The following F5 variants were observed in gnomAD, a reference collection of about 807,000 sequenced individuals.
F5 encodes activated protein c cofactor.
F5 carries 138 observed loss-of-function variants against 216.4 expected under a neutral mutation model. The observed-to-expected ratio is 0.64, with a 90% CI of 0.56 to 0.73. The LOEUF is 0.73. Among genes scored for constraint, F5 ranks in the 30% least tolerant of loss-of-function variants. The probability of loss-of-function intolerance (pLI) is 0.00; values close to 1 mark genes in which losing one functional copy is unlikely to be tolerated. For synonymous variants in F5, 916 were observed against 930.7 expected (o/e 0.98, Z 0.29); for missense variants, 2,403 against 2,674.0 (o/e 0.90, Z 2.24).
rs1659712178 is a variant in F5, at chr1:169,536,662, G to A, written c.4815C>T (p.Asp1605=). The change falls in exon 14 of 25, where the codon GAC becomes GAT. Residue 1605 remains aspartate, a synonymous_variant. Coordinates refer to ENST00000367797, the MANE Select transcript of F5 (RefSeq NM_000130.5). The part of the protein sequence containing the change: ...EFVQRETDIE[D]SDDIPEDTTY... ...TGGTATCTTCTGGAATATCATCAGA[G>A]TCTTCAATATCTGTTTCCCTGAAAT... 1.2e-6 allele frequency: 2 copies of A among 1,610,936 alleles called. No individual in the cohort carries two copies. Among genetic ancestry groups the A allele is most frequent in the Non-Finnish European group, 1.7e-6 (2 of 1,177,416 alleles).
rs1316817888 is a variant in F5, at chr1:169,540,992, A to C, written c.4098T>G (p.Leu1366=). ...PLSPDPSHTT[L]SLDLSQTNLS... The stretch of plus-strand genomic sequence containing the variant: ...GGTTTGTCTGGCTGAGGTCTAGAGA[A>C]AGGGTTGTATGGCTGGGGTCTGGAG... Residue 1366 remains leucine (L), a synonymous_variant, in exon 13 of 25, where the codon CTT becomes CTG. Transcript: ENST00000367797. 3 of 1,589,732 alleles carry C rather than the reference A, an allele frequency of 1.9e-6. No homozygotes were observed. Among genetic ancestry groups the C allele is most frequent in the Non-Finnish European group, 2.6e-6 (3 of 1,162,600 alleles).
In F5 at chr1:169,524,889, T is replaced by A; in HGVS notation, c.5736A>T (p.Gly1912=). 1 of 1,613,622 alleles carries A rather than the reference T, an allele frequency of 6.2e-7. No individual in the cohort carries two copies. Among genetic ancestry groups the A allele is most frequent in the Non-Finnish European group, 8.5e-7 (1 of 1,179,616 alleles). Reference sequence around the variant, plus strand: ...AATCAGATATGATACCAGTGCTTAGTCCCATTGGCATCCTACAGTCTATGA... The same window carrying A: ...AATCAGATATGATACCAGTGCTTAGACCCATTGGCATCCTACAGTCTATGA... ...IMDRDCRMPM[G]LSTGIISDSQ... The change falls in exon 19 of 25, where the codon GGA becomes GGT. Residue 1912 remains glycine, a synonymous_variant. Coordinates refer to ENST00000367797, the MANE Select transcript of F5 (RefSeq NM_000130.5).
chr1:169,551,881 C>T (rs78239180), intron 8 of F5, among the ~76,000 whole-genome samples: 15 of 152,302 alleles, frequency 9.8e-5, no homozygotes, highest in African/African-American at 3.4e-4. Flanking sequence ...GCTCTTGATA[C>T]ATGGAGTTTA....
At chr1:169,529,847 T>A in intron 15 of F5, 29 bp from the exon 16 acceptor site, 2 of 1,574,170 alleles carry the variant, frequency 1.3e-6, no homozygotes, top group Non-Finnish European at 1.7e-6. Flanking sequence ...TTGTATTGCC[T>A]CTTTCTCAGG....
intron 3 of F5, among the ~76,000 whole-genome samples, chr1:169,563,067 G>T (rs573869215): frequency 6.6e-6 from 1 of 151,978 alleles, no homozygotes; most frequent in African/African-American, 2.4e-5. Context: ...ATTTAAAAAA[G>T]ACTTTTTGAC....
chr1:169,555,108 T>C, intron 7 of F5, 74 bp downstream of exon 7: 1 of 1,556,976 alleles, frequency 6.4e-7, no homozygotes, highest in South Asian at 1.1e-5. Context: ...AACTTACATT[T>C]CACCCCAAAC....
At chr1:169,575,239 G>T (rs116303751) in intron 2 of F5, among the ~76,000 whole-genome samples, 5 of 152,156 alleles carry the variant, frequency 3.3e-5, no homozygotes, top group Non-Finnish European at 7.4e-5. Context: ...AGTAGCGTGC[G>T]CAAAGGCCCT....
At chr1:169,528,931 A>G (rs865874921) in intron 16 of F5, among the ~76,000 whole-genome samples, 88 of 152,156 alleles carry the variant, frequency 5.8e-4, no homozygotes, top group African/African-American at 2.0e-3. Context: ...GCATCCTTCA[A>G]ATTATATCAG....
At position 169,541,136 on chromosome 1, in the gene F5, C is replaced by G. The variant is rs1054191338; in HGVS notation, c.3954G>C (p.Gln1318His). 3.2e-6 allele frequency: 5 copies of G among 1,569,556 alleles called. No individual in the cohort carries two copies. Among genetic ancestry groups the G allele is most frequent in the African/African-American group, 2.8e-5 (2 of 72,022 alleles). ...SQTNLSPALG[Q>H]MPISPDLSHT... Reference sequence around the variant, plus strand: ...GGCTGAGGTCTGGAGAAATGGGCATCTGACCGAGGGCTGGGGAAAGGTTTG... The same window carrying G: ...GGCTGAGGTCTGGAGAAATGGGCATGTGACCGAGGGCTGGGGAAAGGTTTG... The change falls in exon 13 of 25, where the codon CAG (glutamine) becomes CAC (histidine). Residue 1318 changes from glutamine (Q) to histidine (H), a missense_variant. Physicochemically the swap from Gln to His is conservative, Grantham distance 24. This residue lies in a region of F5 where 26 missense variants were observed against 60.6 expected (regional missense o/e 0.43). Coordinates refer to ENST00000367797, the MANE Select transcript of F5 (RefSeq NM_000130.5).
chr1:169,552,704 G>A lies in F5; in HGVS notation c.1149C>T (p.Phe383=), dbSNP rs1660201474. 6.2e-7 allele frequency: 1 copy of A among 1,611,806 alleles called. No individual in the cohort carries two copies. The highest frequency in any genetic ancestry group is 1.3e-5 in the African/African-American group (1 of 74,914). The part of the protein sequence containing the change: ...KKYRSQHLDN[F]SNQIGKHYKK... ...TATAATGTTTTCCAATTTGGTTTGA[G>A]AAATTATCCAAATGCTGAGACCTGT... Residue 383 remains phenylalanine, a synonymous_variant, in exon 8 of 25, where the codon TTC becomes TTT. Transcript: ENST00000367797.
At chr1:169,517,138 A>G (rs1171495926) in intron 23 of F5, among the ~76,000 whole-genome samples, 3 of 152,174 alleles carry the variant, frequency 2.0e-5, no homozygotes, top group Non-Finnish European at 4.4e-5. Flanking sequence ...GCAAAATTGC[A>G]AAATGAGGTA....
intron 2 of F5, among the ~76,000 whole-genome samples, chr1:169,581,624 C>T (rs1298456999): frequency 1.3e-5 from 2 of 152,052 alleles, no homozygotes; most frequent in African/African-American, 4.8e-5. Context: ...AGGTCTTCAT[C>T]TGATTGGGGA....
At chr1:169,521,887 G>C (rs1659317826) in intron 21 of F5, among the ~76,000 whole-genome samples, 1 of 151,846 alleles carries the variant, frequency 6.6e-6, no homozygotes, top group Non-Finnish European at 1.5e-5. Flanking sequence ...CCAAAGTGCT[G>C]GGATTACAGA....
At chr1:169,526,401 CT>C (rs1306798766) in intron 17 of F5, among the ~76,000 whole-genome samples, 6 of 152,128 alleles carry the variant, frequency 3.9e-5, no homozygotes, top group East Asian at 3.9e-4. Flanking sequence ...GCTTTTTTCT[CT>C]TTTTTATATA....
At chr1:169,564,985 C>T (rs186334065) in intron 3 of F5, among the ~76,000 whole-genome samples, 2 of 152,170 alleles carry the variant, frequency 1.3e-5, no homozygotes, top group African/African-American at 4.8e-5. Context: ...CTACTTCTCT[C>T]TTCAGTCTTA....
In F5 at chr1:169,513,110, T is replaced by C. The variant is rs1390002139; in HGVS notation, c.*1203A>G. Among the ~76,000 whole-genome samples the C allele has an allele frequency of 6.6e-6, 1 of 152,100 alleles. No homozygotes were observed. Among genetic ancestry groups the C allele is most frequent in the Non-Finnish European group, 1.5e-5 (1 of 67,990 alleles). On this transcript the variant is annotated 3_prime_UTR_variant, in exon 25 of 25. Transcript: ENST00000367797. Reference sequence around the variant, plus strand: ...TTCTTAGTCCTCAGTTCTAATTTGATTTCTCTGTGGTCTGAGAGATTGTTA... The same window carrying C: ...TTCTTAGTCCTCAGTTCTAATTTGACTTCTCTGTGGTCTGAGAGATTGTTA...
rs949427887 is a variant in F5 at position 169,515,722 on chromosome 1, G to A, written c.6346-96C>T. ...TGCAAAAAAGCACAGAGCTCAAAAG[G>A]ATTTTGTTCTATCTTATCCCTTAGG... On this transcript the variant is annotated intron_variant, in intron 23 of 24. Transcript: ENST00000367797. The A allele has an allele frequency of 6.1e-5, 77 of 1,270,054 alleles. No homozygotes were observed. In the African/African-American group the frequency reaches 1.0e-3, roughly 17 times the overall value. The allele number at this position is 1,270,054 out of a possible 1,614,324, so 78.7% of individuals were successfully genotyped here. A position where few individuals can be genotyped will look rare whatever the true frequency, so the allele number is the denominator to read the frequency against.
intron 2 of F5, among the ~76,000 whole-genome samples, chr1:169,579,213 C>G (rs1047007064): frequency 6.6e-6 from 1 of 152,064 alleles, no homozygotes; most frequent in African/African-American, 2.4e-5. Flanking sequence ...ATATTTTGAC[C>G]CTTATATTAA....
In F5 at chr1:169,568,936, G is replaced by C. The variant is rs9332547; in HGVS notation, c.373+3285C>G. Among the ~76,000 whole-genome samples, 403 of 152,144 alleles carry C rather than the reference G, an allele frequency of 2.6e-3. 1 individual carries two copies. Among genetic ancestry groups the C allele is most frequent in the African/African-American group, 9.4e-3 (392 of 41,534 alleles). On this transcript the variant is annotated intron_variant, in intron 3 of 24. Coordinates refer to ENST00000367797, the MANE Select transcript of F5 (RefSeq NM_000130.5). ...TCCTAAGTTAATAAACTTAGTGAAT[G>C]CTTCACTACATTCAAAGATTCAGAA...
Sources: allele counts gnomAD v4.1 joint callset (sites outside exome capture counted in the v4.1 genomes callset), GRCh38; gene constraint gnomAD v4.1.1; regional missense constraint gnomAD v4.1.1; transcripts MANE v1.5; gene names NCBI Gene and HGNC (gene_info 2026-07-23, HGNC 2026-07-21).